Variants in SLC24A2 observed in about 807,000 individuals in gnomAD.
The protein encoded by SLC24A2 is solute carrier family 24 member 2.
In SLC24A2, 36 loss-of-function variants were observed where a neutral mutation model predicts 62.0. The observed-to-expected ratio is 0.58, with a 90% CI of 0.44 to 0.77. SLC24A2 has a LOEUF of 0.77. Among genes scored for constraint, SLC24A2 ranks in the 30% least tolerant of loss-of-function variants. SLC24A2 has a pLI of 0.00. For synonymous variants in SLC24A2, 358 were observed against 294.0 expected, an observed-to-expected ratio of 1.22 and a Z score of -2.23; for missense variants, 846 against 817.9, an observed-to-expected ratio of 1.03 and a Z score of -0.42.
the SLC24A2 span, among the ~76,000 whole-genome samples, chr9:20,039,442 C>G: frequency 6.6e-6 from 1 of 151,892 alleles, no homozygotes; most frequent in Non-Finnish European, 1.5e-5. Context: ...CTGGAAGGTG[C>G]AAGAACAATG....
At chr9:19,741,264 T>G (rs1009109542) in intron 2 of SLC24A2, among the ~76,000 whole-genome samples, 2 of 152,164 alleles carry the variant, frequency 1.3e-5, no homozygotes, top group African/African-American at 2.4e-5. Flanking sequence ...ATTTGCCAGT[T>G]GGCTTTCCGG....
chr9:19,959,400 G>C, the SLC24A2 span, among the ~76,000 whole-genome samples: 74 of 152,172 alleles, frequency 4.9e-4, no homozygotes, highest in African/African-American at 1.7e-3. Context: ...TTATGTATAA[G>C]AGTCAAGCGA....
chr9:19,941,556 A>AGTGTGTGTGTGT, the SLC24A2 span, among the ~76,000 whole-genome samples: 187 of 134,150 alleles, frequency 1.4e-3, 4 homozygotes, highest in East Asian at 0.034. Flanking sequence ...GAGGACTGGG[A>AGTGTGTGTGTGT]GTGTGTGTGT....
the SLC24A2 span, among the ~76,000 whole-genome samples, chr9:20,166,555 T>A: frequency 6.6e-6 from 1 of 151,788 alleles, no homozygotes; most frequent in Non-Finnish European, 1.5e-5. Flanking sequence ...TGTACAGGAG[T>A]ATATATGGTA....
chr9:20,294,033 A>G, the SLC24A2 span, among the ~76,000 whole-genome samples: 3 of 152,044 alleles, frequency 2.0e-5, no homozygotes, highest in East Asian at 1.9e-4. Context: ...CTGCTTGTAC[A>G]TTTGCTCATC....
In SLC24A2 at chr9:19,589,346, A is replaced by G. The variant is rs538974180; in HGVS notation, c.1129+7883T>C. The stretch of plus-strand genomic sequence containing the variant: ...GATGTGGAAAGATCTCCAAGATGCA[A>G]TTAATAACAAAAGCCAGGTTAGAAA... On this transcript the variant is annotated intron_variant, in intron 5 of 10. Coordinates refer to ENST00000341998, the MANE Select transcript of SLC24A2 (RefSeq NM_020344.4). Among the ~76,000 whole-genome samples the G allele has an allele frequency of 8.5e-5, 13 of 152,354 alleles. No homozygotes were observed. The South Asian group carries it at 2.7e-3, about 32-fold the overall frequency.
chr9:20,190,287 T>A, the SLC24A2 span, among the ~76,000 whole-genome samples: 2 of 152,092 alleles, frequency 1.3e-5, no homozygotes, highest in Non-Finnish European at 1.5e-5. Flanking sequence ...ATAGCCTAGG[T>A]TTTCCTCTGG....
intron 2 of SLC24A2, among the ~76,000 whole-genome samples, chr9:19,643,488 A>G (rs920333832): frequency 1.3e-5 from 2 of 152,056 alleles, no homozygotes; most frequent in Admixed American, 6.5e-5. Flanking sequence ...CCTTTGGGGT[A>G]TATTTCTCTG....
chr9:19,917,376 G>C, the SLC24A2 span, among the ~76,000 whole-genome samples: 4 of 139,744 alleles, frequency 2.9e-5, no homozygotes, highest in African/African-American at 1.0e-4. Flanking sequence ...TTGGCATTTA[G>C]TCTGCACTTT....
At chr9:19,733,993 A>T (rs1821420164) in intron 2 of SLC24A2, among the ~76,000 whole-genome samples, 1 of 152,216 alleles carries the variant, frequency 6.6e-6, no homozygotes, top group Non-Finnish European at 1.5e-5. Flanking sequence ...TACTTTAATT[A>T]TGATGATAGA....
intron 2 of SLC24A2, among the ~76,000 whole-genome samples, chr9:19,631,269 C>T (rs904550704): frequency 6.6e-6 from 1 of 152,154 alleles, no homozygotes; most frequent in Non-Finnish European, 1.5e-5. Flanking sequence ...TAAATAGCTT[C>T]GTCTTGGTCC....
At chr9:19,848,312 C>T in the SLC24A2 span, among the ~76,000 whole-genome samples, 3 of 152,228 alleles carry the variant, frequency 2.0e-5, no homozygotes, top group Non-Finnish European at 2.9e-5. Context: ...AAATATTACG[C>T]TAAACATTGG....
the SLC24A2 span, among the ~76,000 whole-genome samples, chr9:19,898,697 G>A: frequency 3.3e-4 from 47 of 142,568 alleles, no homozygotes; most frequent in East Asian, 9.1e-3. Flanking sequence ...AGCTGAGATC[G>A]TGCCACTGTA....
intron 7 of SLC24A2, among the ~76,000 whole-genome samples, chr9:19,559,436 G>C (rs1156778624): frequency 6.6e-6 from 1 of 152,094 alleles, no homozygotes; most frequent in Non-Finnish European, 1.5e-5. Flanking sequence ...GAGAAAATAC[G>C]ATTTTATTCC....
chr9:19,717,735 G>C (rs1169422490), intron 2 of SLC24A2, among the ~76,000 whole-genome samples: 5 of 152,016 alleles, frequency 3.3e-5, no homozygotes, highest in Non-Finnish European at 2.9e-5. Context: ...TATTTTCTTA[G>C]TTGTTTTGTA....
the SLC24A2 span, among the ~76,000 whole-genome samples, chr9:19,836,509 C>G: frequency 6.6e-6 from 1 of 152,052 alleles, no homozygotes. Context: ...ACACATACAC[C>G]CTCCCAAGAC....
chr9:19,594,355 A>G (rs1380798023), intron 5 of SLC24A2, among the ~76,000 whole-genome samples: 1 of 152,238 alleles, frequency 6.6e-6, no homozygotes, highest in Non-Finnish European at 1.5e-5. Context: ...TAAAAATAAT[A>G]AGCTGAATAT....
chr9:19,568,203 C>G (rs1266432363), intron 7 of SLC24A2, among the ~76,000 whole-genome samples: 1 of 152,234 alleles, frequency 6.6e-6, no homozygotes, highest in Non-Finnish European at 1.5e-5. Context: ...GTGGCCTGAT[C>G]ATCCCGCGTT....
At chr9:19,819,007 C>G in the SLC24A2 span, among the ~76,000 whole-genome samples, 12 of 147,486 alleles carry the variant, frequency 8.1e-5, no homozygotes, top group African/African-American at 2.5e-4. Flanking sequence ...GGCACATAGA[C>G]CAGTGGAATA....
Sources: allele counts gnomAD v4.1 joint callset (sites outside exome capture counted in the v4.1 genomes callset), GRCh38; gene constraint gnomAD v4.1.1; transcripts MANE v1.5; gene names NCBI Gene and HGNC (gene_info 2026-07-23, HGNC 2026-07-21).